AGBL4: variants seen among roughly 807,000 people sequenced by gnomAD.
AGBL4 encodes AGBL carboxypeptidase 4.
AGBL4 carries 58 observed loss-of-function variants against 66.4 expected under a neutral mutation model. That is an observed-to-expected ratio of 0.87 (90% confidence interval 0.71 to 1.09). The LOEUF (loss-of-function observed/expected upper bound fraction) is 1.09. AGBL4 is among the 50% of genes least tolerant of loss of function. AGBL4 has a pLI of 0.00. For synonymous variants in AGBL4, 234 were observed against 222.9 expected (o/e 1.05, Z -0.44); for missense variants, 579 against 631.0 (o/e 0.92, Z 0.88).
chr1:48,806,979 A>G (rs549493695), intron 6 of AGBL4, among the ~76,000 whole-genome samples: 1 of 152,078 alleles, frequency 6.6e-6, no homozygotes, highest in Non-Finnish European at 1.5e-5. Context: ...TATGCTTGTG[A>G]ATGAGCATCT....
chr1:49,282,238 G>GAAGAA (rs1644289390), intron 3 of AGBL4, among the ~76,000 whole-genome samples: 1 of 152,126 alleles, frequency 6.6e-6, no homozygotes. Context: ...TTTTTTGTAT[G>GAAGAA]TCTTACAGGA....
intron 4 of AGBL4, among the ~76,000 whole-genome samples, chr1:49,068,326 A>T (rs957845383): frequency 6.6e-6 from 1 of 151,540 alleles, no homozygotes; most frequent in South Asian, 2.1e-4. Flanking sequence ...AGTTTGCTGC[A>T]CCCATCAACT....
At chr1:49,297,802 C>T (rs1644670471) in intron 3 of AGBL4, among the ~76,000 whole-genome samples, 1 of 152,124 alleles carries the variant, frequency 6.6e-6, no homozygotes, top group Admixed American at 6.5e-5. Flanking sequence ...GTACCTAAGC[C>T]TATTATGATT....
chr1:49,871,230 A>C (rs1261648435), intron 1 of AGBL4, among the ~76,000 whole-genome samples: 1 of 151,966 alleles, frequency 6.6e-6, no homozygotes, highest in East Asian at 1.9e-4. Flanking sequence ...AAGCTATAAA[A>C]TATTATTTAA....
intron 2 of AGBL4, among the ~76,000 whole-genome samples, chr1:49,818,370 GT>G (rs11351923): frequency 0.53 from 72,185 of 136,912 alleles, 18,403 homozygotes; most frequent in African/African-American, 0.58. Context: ...TGTTTTTTTT[GT>G]TTTTTTTTTT....
chr1:48,741,851 C>T (rs886639186), intron 6 of AGBL4, among the ~76,000 whole-genome samples: 1 of 152,212 alleles, frequency 6.6e-6, no homozygotes, highest in African/African-American at 2.4e-5. Context: ...AGCTGAATTT[C>T]ACCAGTGCCA....
At chr1:49,634,508 G>C (rs1645633362) in intron 3 of AGBL4, among the ~76,000 whole-genome samples, 1 of 152,134 alleles carries the variant, frequency 6.6e-6, no homozygotes, top group Non-Finnish European at 1.5e-5. Context: ...ACTGTGAACA[G>C]TGTCGCAATA....
chr1:49,003,097 A>G (rs1661513611), intron 5 of AGBL4, among the ~76,000 whole-genome samples: 1 of 152,206 alleles, frequency 6.6e-6, no homozygotes, highest in Admixed American at 6.5e-5. Flanking sequence ...ACTTGATGAA[A>G]CATTAAAAAT....
intron 9 of AGBL4, among the ~76,000 whole-genome samples, chr1:48,610,665 T>C (rs894116618): frequency 2.6e-5 from 4 of 152,346 alleles, no homozygotes; most frequent in Middle Eastern, 3.4e-3. Flanking sequence ...AAAGGTCTGA[T>C]ATTCAGTGCC....
At chr1:49,574,936 C>T (rs1644406512) in intron 3 of AGBL4, among the ~76,000 whole-genome samples, 1 of 152,034 alleles carries the variant, frequency 6.6e-6, no homozygotes, top group Admixed American at 6.5e-5. Flanking sequence ...GACAGAGAAT[C>T]ATGGCCCCTC....
At chr1:49,656,827 C>G (rs1244789729) in intron 3 of AGBL4, among the ~76,000 whole-genome samples, 1 of 152,168 alleles carries the variant, frequency 6.6e-6, no homozygotes, top group Non-Finnish European at 1.5e-5. Context: ...TAAAAACTCT[C>G]AATAAATTCG....
chr1:48,682,410 CTTT>C (rs529391743), intron 6 of AGBL4, among the ~76,000 whole-genome samples: 17 of 140,556 alleles, frequency 1.2e-4, no homozygotes, highest in South Asian at 2.3e-4. Context: ...CAGCACATCT[CTTT>C]TTTTTTTTTT....
chr1:49,267,408 C>T lies in AGBL4; in HGVS notation c.283-21544G>A, dbSNP rs557266497. Reference sequence around the variant, plus strand: ...ATAAAGACATACCCAAGGCGAGGCACGGTGGCTCACGCCTATAATCCCAGC... The same window carrying T: ...ATAAAGACATACCCAAGGCGAGGCATGGTGGCTCACGCCTATAATCCCAGC... On this transcript the variant is annotated intron_variant, in intron 3 of 13. Transcript: ENST00000371839. 2.2e-4 allele frequency among the ~76,000 whole-genome samples: 34 copies of T among 152,204 alleles called. 1 individual carries two copies. The South Asian group carries it at 4.4e-3, about 20-fold the overall frequency.
chr1:48,746,338 C>T (rs1381858616), intron 6 of AGBL4, among the ~76,000 whole-genome samples: 1 of 152,154 alleles, frequency 6.6e-6, no homozygotes, highest in Non-Finnish European at 1.5e-5. Context: ...GAAACAGAGG[C>T]CCTGCTGTTC....
chr1:48,547,841 A>G (rs1557777274), intron 11 of AGBL4, among the ~76,000 whole-genome samples: 2 of 152,012 alleles, frequency 1.3e-5, no homozygotes, highest in Admixed American at 1.3e-4. Context: ...CAAGAGACCA[A>G]TGTGGTTTTC....
Position 48,930,497 on chromosome 1 carries a change from C to T in AGBL4, c.595-63267G>A, listed in dbSNP as rs536004806. On this transcript the variant is annotated intron_variant, in intron 5 of 13. Coordinates refer to ENST00000371839, the MANE Select transcript of AGBL4 (RefSeq NM_032785.4). Reference sequence around the variant, plus strand: ...CAATAGCAACCTAGATAGCCAATACCATTTTAGCAACTTACATCTTGATAT... The same window carrying T: ...CAATAGCAACCTAGATAGCCAATACTATTTTAGCAACTTACATCTTGATAT... Among the ~76,000 whole-genome samples the T allele has an allele frequency of 4.7e-4, 72 of 152,194 alleles. 1 individual carries two copies. The highest frequency in any genetic ancestry group is 8.3e-4 in the South Asian group (4 of 4,822).
chr1:48,691,801 C>A (rs1451565809), intron 6 of AGBL4, among the ~76,000 whole-genome samples: 1 of 152,188 alleles, frequency 6.6e-6, no homozygotes, highest in Non-Finnish European at 1.5e-5. Flanking sequence ...CTCCTCTCCC[C>A]TGCTCCTCTC....
intron 1 of AGBL4, among the ~76,000 whole-genome samples, chr1:50,015,086 C>T (rs1278791026): frequency 1.3e-5 from 2 of 152,190 alleles, no homozygotes; most frequent in African/African-American, 4.8e-5. Flanking sequence ...TTGTGATGCA[C>T]ATGTTGTTTT....
intron 10 of AGBL4, among the ~76,000 whole-genome samples, chr1:48,590,441 A>C (rs951277205): frequency 2.0e-5 from 3 of 150,246 alleles, no homozygotes; most frequent in African/African-American, 7.3e-5. Context: ...CAGTAGCCCC[A>C]GCTACTCAGG....
Sources: gnomAD v4.1 joint callset for allele counts (sites outside exome capture counted in the v4.1 genomes callset) on GRCh38, gnomAD v4.1.1 for gene constraint, MANE v1.5 for transcripts, NCBI Gene and HGNC (gene_info 2026-07-23, HGNC 2026-07-21) for gene names.